Variants in ZNF296 observed in about 807,000 individuals in gnomAD.
The protein encoded by ZNF296 is zinc finger protein 296.
ZNF296 carries 1 observed loss-of-function variant against 13.2 expected under a neutral mutation model. The ratio of observed to expected loss-of-function variants is 0.08; its 90% CI spans 0.03 to 0.36. The LOEUF is 0.36. Among genes scored for constraint, ZNF296 ranks in the 10% least tolerant of loss-of-function variants. ZNF296 has a pLI of 0.99. For missense variants in ZNF296, 555 were observed against 688.2 expected (o/e 0.81, Z 2.16); for synonymous variants, 303 against 289.0 (o/e 1.05, Z -0.49).
rs749172691 is a variant in ZNF296 at position 45,072,445 on chromosome 19, G to A, written c.584C>T (p.Pro195Leu). The change falls in exon 3 of 3, where the codon CCG becomes CTG. Residue 195 changes from proline (P) to leucine (L), a missense_variant. Transcript: ENST00000303809. The stretch of plus-strand genomic sequence containing the variant: ...AGCCACCTCGGCCAGGCCCAGGAGC[G>A]GGGCCTCCGGGGCCTCTGATTCTGT... ...YQTESEAPEA[P>L]LLGLAEVAAA... The A allele has an allele frequency of 3.3e-5, 54 of 1,612,800 alleles. 1 individual carries two copies. Among genetic ancestry groups the A allele is most frequent in the Non-Finnish European group, 4.2e-5 (50 of 1,179,860 alleles).
chr19:45,071,609 C>T lies in ZNF296; in HGVS notation c.1420G>A (p.Glu474Lys), dbSNP rs139536353. The stretch of plus-strand genomic sequence containing the variant: ...GGGGGGCTTTCCTGGGCTCAGGCCT[C>T]GCCGGCCGCCTCAGGGTGCTTCTGC... ...LRQKHPEAAG[E>K]A Residue 474 changes from glutamate (E) to lysine (K), a missense_variant, in exon 3 of 3, where the codon GAG (glutamate) becomes AAG (lysine). Transcript: ENST00000303809. 74 of 1,515,302 alleles carry T rather than the reference C, an allele frequency of 4.9e-5. No homozygotes were observed. In the Admixed American group the frequency reaches 5.6e-4, roughly 11 times the overall value. 93.9% of individuals were successfully genotyped at this position (1,515,302 alleles called of 1,614,324 possible).
intron 2 of ZNF296, 44 bp from the exon 3 acceptor site, chr19:45,072,624 G>C (rs1967278282): frequency 6.5e-7 from 1 of 1,539,270 alleles, no homozygotes; most frequent in Non-Finnish European, 8.7e-7. Flanking sequence ...ACAGCTGCCA[G>C]CTGGACACCT....
chr19:45,074,942 C>G (rs1008060787), intron 2 of ZNF296, among the ~76,000 whole-genome samples: 2 of 152,216 alleles, frequency 1.3e-5, no homozygotes, highest in African/African-American at 4.8e-5. Context: ...CCTCCTCTTT[C>G]CCACCACCAG....
intron 2 of ZNF296, among the ~76,000 whole-genome samples, chr19:45,073,044 G>C (rs1488276610): frequency 6.6e-6 from 1 of 152,114 alleles, no homozygotes; most frequent in Non-Finnish European, 1.5e-5. Flanking sequence ...GAGCCACTGT[G>C]CTGGGCCATG....
intron 2 of ZNF296, 26 bp downstream of exon 2, chr19:45,075,687 G>C: frequency 6.2e-7 from 1 of 1,609,194 alleles, no homozygotes; most frequent in Non-Finnish European, 8.5e-7. Context: ...GAACTTGAGA[G>C]GGGGACTGCA....
chr19:45,074,812 C>T (rs1055519550), intron 2 of ZNF296, among the ~76,000 whole-genome samples: 2 of 152,176 alleles, frequency 1.3e-5, no homozygotes, highest in Non-Finnish European at 2.9e-5. Flanking sequence ...AACCAAGGTG[C>T]CCATGATTCT....
Position 45,076,233 on chromosome 19 carries a change from C to A in ZNF296, c.141G>T (p.Arg47Ser). ...CCTCCTTCGGGGAGAAGGGCCCCAG[C>A]CTTGGGGCCTGTTGGGGCTGCGCGT... ...EPDAQPQQAP[R>S]LGPFSPKEVS... Residue 47 changes from arginine (R) to serine (S), a missense_variant, in exon 1 of 3, where the codon AGG (arginine) becomes AGT (serine). Around this residue, in one of 3 missense-constraint regions of ZNF296, gnomAD observed 137 missense variants for 121.9 expected, o/e 1.12. Coordinates refer to ENST00000303809, the MANE Select transcript of ZNF296 (RefSeq NM_145288.3). This position sits in a 1 kb window ranked among gnomAD's most constrained non-coding sequence, Gnocchi z 4.9. The A allele has an allele frequency of 1.3e-6, 2 of 1,508,518 alleles. No individual in the cohort carries two copies. The highest frequency in any genetic ancestry group is 8.8e-7 in the Non-Finnish European group (1 of 1,133,498). The allele number at this position is 1,508,518 out of a possible 1,614,324, so 93.4% of individuals were successfully genotyped here.
chr19:45,075,815 G>C lies in ZNF296; in HGVS notation c.346C>G (p.Arg116Gly). 2 of 1,614,122 alleles carry C rather than the reference G, an allele frequency of 1.2e-6. No homozygotes were observed. Among genetic ancestry groups the C allele is most frequent in the Non-Finnish European group, 1.7e-6 (2 of 1,180,010 alleles). The change falls in exon 2 of 3, where the codon CGC becomes GGC. Residue 116 changes from arginine (R) to glycine (G), a missense_variant. Around this residue, in one of 3 missense-constraint regions of ZNF296, gnomAD observed 410 missense variants for 548.0 expected, o/e 0.75. Transcript: ENST00000303809. ...DKHPDLLTCG[R>G]CLQTFPLEAI... Reference sequence around the variant, plus strand: ...TCCAACGGGAAGGTCTGCAGGCAGCGGCCGCAGGTCAACAGATCTGGGTGT... The same window carrying C: ...TCCAACGGGAAGGTCTGCAGGCAGCCGCCGCAGGTCAACAGATCTGGGTGT...
intron 2 of ZNF296, 120 bp from the exon 3 acceptor site, chr19:45,072,700 A>G (rs1967279430): frequency 3.9e-6 from 5 of 1,273,426 alleles, no homozygotes; most frequent in Non-Finnish European, 1.1e-6. Flanking sequence ...ACACCCTGGA[A>G]GGACCAGGAA....
chr19:45,076,020 G>A lies in ZNF296; in HGVS notation c.298+56C>T. On this transcript the variant is annotated intron_variant, in intron 1 of 2. Transcript: ENST00000303809. This position sits in a 1 kb window ranked among gnomAD's most constrained non-coding sequence, Gnocchi z 4.9. ...GAGGGGCCCATGCCCAAAGGGAAGG[G>A]TCCCACCCGAGGGTCAAAGGTAAGG... 1 of 1,570,496 alleles carries A rather than the reference G, an allele frequency of 6.4e-7. No homozygotes were observed. The highest frequency in any genetic ancestry group is 1.4e-5 in the African/African-American group (1 of 73,034).
Position 45,072,503 on chromosome 19 carries a change from C to T in ZNF296, c.526G>A (p.Ala176Thr). 5 of 1,613,728 alleles carry T rather than the reference C, an allele frequency of 3.1e-6. No individual in the cohort carries two copies. Among genetic ancestry groups the T allele is most frequent in the Non-Finnish European group, 3.4e-6 (4 of 1,180,018 alleles). Residue 176 changes from alanine (A) to threonine (T), a missense_variant, in exon 3 of 3, where the codon GCC (alanine) becomes ACC (threonine). Transcript: ENST00000303809. The stretch of plus-strand genomic sequence containing the variant: ...ATGGACAGTCCGTGGTCCCACTGGG[C>T]GTGACGCAGCAGCTTCCAGGCCACT... ...FTVAWKLLRH[A>T]QWDHGLSIYQ...
chr19:45,075,950 A>C, intron 1 of ZNF296, 88 bp from the exon 2 acceptor site: 1 of 1,587,290 alleles, frequency 6.3e-7, no homozygotes, highest in Non-Finnish European at 8.6e-7. Context: ...GAAGGTCAGA[A>C]GGGGGCCTGA....
chr19:45,072,237 A>C lies in ZNF296; in HGVS notation c.792T>G (p.Cys264Trp). ...TGERPYACDQCPYACAQSSKL... is the reference protein window; with the variant it reads ...TGERPYACDQWPYACAQSSKL... ...TGCTGCTCTGGGCGCAGGCGTAGGG[A>C]CACTGGTCGCAAGCATAGGGCCGCT... Residue 264 changes from cysteine (C) to tryptophan (W), a missense_variant, in exon 3 of 3, where the codon TGT becomes TGG. Around this residue, in one of 3 missense-constraint regions of ZNF296, gnomAD observed 410 missense variants for 548.0 expected, o/e 0.75. Coordinates refer to ENST00000303809, the MANE Select transcript of ZNF296 (RefSeq NM_145288.3). 1 of 1,612,756 alleles carries C rather than the reference A, an allele frequency of 6.2e-7. No individual in the cohort carries two copies. Among genetic ancestry groups the C allele is most frequent in the South Asian group, 1.1e-5 (1 of 91,012 alleles).
At chr19:45,075,646 C>T (rs1314931553) in intron 2 of ZNF296, 67 bp downstream of exon 2, 5 of 1,582,274 alleles carry the variant, frequency 3.2e-6, no homozygotes, top group African/African-American at 1.3e-5. Context: ...CCGTCCAGCC[C>T]AGCCCCTTTC....
intron 2 of ZNF296, among the ~76,000 whole-genome samples, chr19:45,075,084 C>T (rs931034079): frequency 6.6e-5 from 10 of 152,202 alleles, no homozygotes; most frequent in African/African-American, 2.2e-4. Context: ...GAGGGTCAAG[C>T]CCCATGTGAA....
Position 45,072,162 on chromosome 19 carries a change from G to A in ZNF296, c.867C>T (p.Pro289=). 1 of 1,604,048 alleles carries A rather than the reference G, an allele frequency of 6.2e-7. No homozygotes were observed. Among genetic ancestry groups the A allele is most frequent in the Admixed American group, 1.7e-5 (1 of 59,032 alleles). Residue 289 remains proline (P), a synonymous_variant, in exon 3 of 3, where the codon CCC becomes CCT. Transcript: ENST00000303809. The part of the protein sequence containing the change: ...KTHRQVPPQS[P]LMADTSQEQA... ...GCTCCTGGCTGGTGTCGGCCATGAG[G>A]GGGCTCTGGGGCGGCACCTGCCGGT...
intron 2 of ZNF296, 30 bp from the exon 3 acceptor site, chr19:45,072,610 G>A: frequency 6.4e-7 from 1 of 1,553,342 alleles, no homozygotes; most frequent in Non-Finnish European, 8.7e-7. Context: ...GAGTGTTAGT[G>A]CGGACAGCTG....
chr19:45,073,054 G>T (rs1967285964), intron 2 of ZNF296, among the ~76,000 whole-genome samples: 1 of 152,168 alleles, frequency 6.6e-6, no homozygotes, highest in Non-Finnish European at 1.5e-5. Context: ...GCTGGGCCAT[G>T]TGTTTGAAAA....
Position 45,075,735 on chromosome 19 carries a change from G to A in ZNF296, c.426C>T (p.Gly142=). ...CACCTGAGCCCTGGCCGCGGCTGGG[G>A]CCTCTGAAGAGCTGACAGCCCAGCT... The part of the protein sequence containing the change: ...HKKLGCQLFR[G]PSRGQGSERE... Residue 142 remains glycine (G), a synonymous_variant, in exon 2 of 3, where the codon GGC becomes GGT. Coordinates refer to ENST00000303809, the MANE Select transcript of ZNF296 (RefSeq NM_145288.3). 1 of 1,614,090 alleles carries A rather than the reference G, an allele frequency of 6.2e-7. No individual in the cohort carries two copies. The highest frequency in any genetic ancestry group is 1.1e-5 in the South Asian group (1 of 91,084).
Sources: gnomAD v4.1 joint callset for allele counts (sites outside exome capture counted in the v4.1 genomes callset) on GRCh38, gnomAD v4.1.1 for gene constraint, gnomAD v4.1.1 regional missense constraint, Gnocchi (gnomAD v3.1) non-coding constraint, MANE v1.5 for transcripts, NCBI Gene and HGNC (gene_info 2026-07-23, HGNC 2026-07-21) for gene names.